The following TBCD variants were observed in gnomAD, a reference collection of about 807,000 sequenced individuals.
The protein encoded by TBCD is tubulin-specific chaperone D.
TBCD carries 105 observed loss-of-function variants against 169.3 expected under a neutral mutation model. The ratio of observed to expected loss-of-function variants is 0.62; its 90% CI spans 0.53 to 0.73. The LOEUF is 0.73. TBCD is among the 30% of genes least tolerant of loss of function. The pLI, the probability that TBCD is intolerant of heterozygous loss-of-function variation, is 0.00. For synonymous variants in TBCD, 700 were observed against 643.9 expected (o/e 1.09, Z -1.32); for missense variants, 1,444 against 1,600.1 (o/e 0.90, Z 1.66).
At chr17:82,804,746 A>T (rs1057204752) in intron 9 of TBCD, among the ~76,000 whole-genome samples, 3 of 152,168 alleles carry the variant, frequency 2.0e-5, no homozygotes, top group African/African-American at 7.2e-5. Flanking sequence ...GACTCTGCGT[A>T]TTCTGTTCCT....
In TBCD at chr17:82,890,744, T is replaced by C. The variant is rs1230627766; in HGVS notation, c.1563+1047T>C. 3.9e-5 allele frequency among the ~76,000 whole-genome samples: 6 copies of C among 152,138 alleles called. No individual in the cohort carries two copies. Among genetic ancestry groups the C allele is most frequent in the African/African-American group, 1.4e-4 (6 of 41,434 alleles). ...TCCTTGGGGTGCCGTGGGGCCTGCA[T>C]GTGTTCAGAGCCCTGAGCCCTGGTC... On this transcript the variant is annotated intron_variant, in intron 16 of 38. Coordinates refer to ENST00000355528, the MANE Select transcript of TBCD (RefSeq NM_005993.5). This position sits in a 1 kb window ranked among gnomAD's most constrained non-coding sequence, Gnocchi z 5.3.
chr17:82,787,147 C>T (rs1298787561), intron 7 of TBCD, among the ~76,000 whole-genome samples: 2 of 152,314 alleles, frequency 1.3e-5, no homozygotes, highest in Admixed American at 6.5e-5. Flanking sequence ...TTAGGAGAGC[C>T]GAGCCCTGTG....
At chr17:82,778,202 C>T (rs140782363) in intron 6 of TBCD, among the ~76,000 whole-genome samples, 14,811 of 152,208 alleles carry the variant, frequency 0.097, 995 homozygotes, top group South Asian at 0.29. Context: ...TATAACTATT[C>T]TTGTTTTATA....
At chr17:82,768,844 A>G (rs1210099806) in intron 5 of TBCD, among the ~76,000 whole-genome samples, 1 of 152,210 alleles carries the variant, frequency 6.6e-6, no homozygotes, top group Admixed American at 6.5e-5. Flanking sequence ...GGTGAGAGAG[A>G]ATAAGGACCC....
At chr17:82,819,235 G>T (rs1268086131) in intron 13 of TBCD, among the ~76,000 whole-genome samples, 1 of 152,242 alleles carries the variant, frequency 6.6e-6, no homozygotes, top group Non-Finnish European at 1.5e-5. Flanking sequence ...AGGTGGGCAG[G>T]CAGTGATGCG....
At chr17:82,844,207 G>GTGTGTGTGTGTGTA (rs2145510765) in intron 13 of TBCD, among the ~76,000 whole-genome samples, 1 of 2,370 alleles carries the variant, frequency 4.2e-4, no homozygotes, top group East Asian at 6.8e-3. Flanking sequence ...GATGTTCTCC[G>GTGTGTGTGTGTGTA]TGTGTGTGTG....
At chr17:82,839,533 C>G (rs1051506949) in intron 13 of TBCD, among the ~76,000 whole-genome samples, 1 of 152,112 alleles carries the variant, frequency 6.6e-6, no homozygotes, top group African/African-American at 2.4e-5. Flanking sequence ...ACATATAACC[C>G]TAAATTCACC....
Position 82,919,642 on chromosome 17 carries a change from ATCGAGAGGACCGTTT to A in TBCD, c.2039-911_2039-897del, listed in dbSNP as rs1179321475. The stretch of plus-strand genomic sequence containing the variant: ...GCATGGAAGTACCAGGTTACTTCAC[ATCGAGAGGACCGTTT>A]TCCTCTTTCCAGTCGGCTGCGGTTG... On this transcript the variant is annotated intron_variant, in intron 23 of 38. Coordinates refer to ENST00000355528, the MANE Select transcript of TBCD (RefSeq NM_005993.5). 2.6e-5 allele frequency among the ~76,000 whole-genome samples: 4 copies of A among 152,142 alleles called. No individual in the cohort carries two copies. The East Asian group carries it at 7.7e-4, about 29-fold the overall frequency.
At chr17:82,790,331 C>G (rs1343854381) in intron 7 of TBCD, among the ~76,000 whole-genome samples, 1 of 152,240 alleles carries the variant, frequency 6.6e-6, no homozygotes, top group Non-Finnish European at 1.5e-5. Flanking sequence ...GGCAGCACAC[C>G]TGCTGTCCTG....
intron 17 of TBCD, among the ~76,000 whole-genome samples, chr17:82,898,984 C>T (rs2059681817): frequency 6.6e-6 from 1 of 152,260 alleles, no homozygotes. Flanking sequence ...AGCCTGTGTG[C>T]TGCTGCCCTG....
Position 82,880,729 on chromosome 17 carries a change from C to T in TBCD, c.1476-3416C>T, listed in dbSNP as rs989748157. 7.3e-5 allele frequency among the ~76,000 whole-genome samples: 11 copies of T among 151,588 alleles called. No homozygotes were observed. Among genetic ancestry groups the T allele is most frequent in the Admixed American group, 3.3e-4 (5 of 15,272 alleles). ...CCCCACACAGTGACACCTGTCTGTC[C>T]GTCCGTCTGTCCACAGGAGCAGGAG... On this transcript the variant is annotated intron_variant, in intron 14 of 38. Transcript: ENST00000355528. The surrounding 1 kb of genome is among the most constrained non-coding windows in gnomAD (Gnocchi z 5.0).
chr17:82,908,604 G>A (rs983719310), intron 21 of TBCD, among the ~76,000 whole-genome samples: 1 of 152,210 alleles, frequency 6.6e-6, no homozygotes, highest in African/African-American at 2.4e-5. Context: ...TTTTGGCAAA[G>A]CCATTTTGTT....
Position 82,861,331 on chromosome 17 carries a change from ACGTC to A in TBCD, c.1319-8892_1319-8889del, listed in dbSNP as rs2056744803. On this transcript the variant is annotated intron_variant, in intron 13 of 38. Coordinates refer to ENST00000355528, the MANE Select transcript of TBCD (RefSeq NM_005993.5). Reference sequence around the variant, plus strand: ...CCTGGCGAGCCCTGAATTCCACCTCACGTCAGCCGCTGGTTCACGTCAGCCGCTG... The same window carrying A: ...CCTGGCGAGCCCTGAATTCCACCTCAAGCCGCTGGTTCACGTCAGCCGCTG... Among the ~76,000 whole-genome samples the A allele has an allele frequency of 4.2e-4, 4 of 9,572 alleles. No individual in the cohort carries two copies. In the East Asian group the frequency reaches 0.019, roughly 46 times the overall value. 6.3% of individuals were successfully genotyped at this position (9,572 alleles called of 152,430 possible).
At chr17:82,855,054 C>T (rs1305574145) in intron 13 of TBCD, among the ~76,000 whole-genome samples, 1 of 152,046 alleles carries the variant, frequency 6.6e-6, no homozygotes, top group Non-Finnish European at 1.5e-5. Context: ...TGGCCTTCCT[C>T]CCTGTGGCCT....
chr17:82,766,752 G>A (rs2048036589), intron 4 of TBCD, among the ~76,000 whole-genome samples: 1 of 152,150 alleles, frequency 6.6e-6, no homozygotes, highest in African/African-American at 2.4e-5. Context: ...GCTGTCACTT[G>A]TTATGGCAAA....
chr17:82,828,712 C>T (rs367720689), intron 13 of TBCD, among the ~76,000 whole-genome samples: 126 of 150,472 alleles, frequency 8.4e-4, no homozygotes, highest in Middle Eastern at 6.9e-3. Context: ...ACATAATGCG[C>T]ATGCACTCAC....
chr17:82,907,642 G>A, intron 20 of TBCD, 119 bp from the exon 21 acceptor site: 1 of 1,089,710 alleles, frequency 9.2e-7, no homozygotes, highest in Non-Finnish European at 1.4e-6. Context: ...CTGAGCCTAT[G>A]CTCCTCCGAG....
rs779947766 is a variant in TBCD, at chr17:82,833,786, G to C, written c.1318+18852G>C. The stretch of plus-strand genomic sequence containing the variant: ...CTTTAGGGAGTGGGTTCAGCCCTCT[G>C]GCCACACCCACTCAGGTCCTGGGAC... On this transcript the variant is annotated intron_variant, in intron 13 of 38. Coordinates refer to ENST00000355528, the MANE Select transcript of TBCD (RefSeq NM_005993.5). The surrounding 1 kb of genome is among the most constrained non-coding windows in gnomAD (Gnocchi z 4.7). 3.9e-5 allele frequency among the ~76,000 whole-genome samples: 6 copies of C among 152,092 alleles called. No individual in the cohort carries two copies. Among genetic ancestry groups the C allele is most frequent in the Non-Finnish European group, 8.8e-5 (6 of 68,014 alleles).
intron 2 of TBCD, among the ~76,000 whole-genome samples, chr17:82,758,093 C>A (rs1335109644): frequency 6.6e-6 from 1 of 151,844 alleles, no homozygotes; most frequent in Non-Finnish European, 1.5e-5. Flanking sequence ...TCTTTCTTTG[C>A]AAAAACTGTT....
Sources: gnomAD v4.1 joint callset for allele counts (sites outside exome capture counted in the v4.1 genomes callset) on GRCh38, gnomAD v4.1.1 for gene constraint, Gnocchi (gnomAD v3.1) non-coding constraint, MANE v1.5 for transcripts, NCBI Gene and HGNC (gene_info 2026-07-23, HGNC 2026-07-21) for gene names.